Variants in PRKCQ observed in about 807,000 individuals in gnomAD.
PRKCQ encodes protein kinase C theta type.
A neutral mutation model predicts 91.2 loss-of-function variants in PRKCQ; 41 were observed. That is an observed-to-expected ratio of 0.45 (90% CI 0.35 to 0.58). The LOEUF is 0.58. PRKCQ is among the 20% of genes least tolerant of loss of function. The pLI, the probability that PRKCQ is intolerant of heterozygous loss-of-function variation, is 0.00. For synonymous variants in PRKCQ, 307 were observed against 316.9 expected (o/e 0.97, Z 0.33); for missense variants, 673 against 896.5 (o/e 0.75, Z 3.18).
intron 1 of PRKCQ, among the ~76,000 whole-genome samples, chr10:6,538,716 C>G (rs1209950949): frequency 2.0e-5 from 3 of 152,190 alleles, no homozygotes; most frequent in African/African-American, 7.2e-5. Flanking sequence ...ACTGATTTTC[C>G]TAGTTCAGAT....
Position 6,534,930 on chromosome 10 carries a change from A to G in PRKCQ, c.-9-19786T>C, listed in dbSNP as rs145253560. 8.2e-4 allele frequency among the ~76,000 whole-genome samples: 125 copies of G among 152,128 alleles called. No individual in the cohort carries two copies. In the Middle Eastern group the frequency reaches 0.014, roughly 17 times the overall value. ...GTTCTTTTTGGAATGTGCAATTCAA[A>G]TTTTAAAAAATAATTCTGTGTAACA... On this transcript the variant is annotated intron_variant, in intron 1 of 17. Coordinates refer to ENST00000263125, the MANE Select transcript of PRKCQ (RefSeq NM_006257.5).
chr10:6,539,985 T>C (rs988216350), intron 1 of PRKCQ, among the ~76,000 whole-genome samples: 2 of 152,254 alleles, frequency 1.3e-5, no homozygotes, highest in Non-Finnish European at 2.9e-5. Flanking sequence ...GGAATTCATG[T>C]AATGCCTCTG....
chr10:6,539,686 C>T (rs995063738), intron 1 of PRKCQ, among the ~76,000 whole-genome samples: 1 of 152,046 alleles, frequency 6.6e-6, no homozygotes, highest in African/African-American at 2.4e-5. Flanking sequence ...CATTCCCCAC[C>T]CCAGTCTGTG....
Position 6,511,236 on chromosome 10 carries a change from G to A in PRKCQ, c.119-42C>T, listed in dbSNP as rs763551120. 1.2e-5 allele frequency: 19 copies of A among 1,583,524 alleles called. No individual in the cohort carries two copies. In the Admixed American group the frequency reaches 3.2e-4, roughly 26 times the overall value. ...AAGGTCTCATTATTCCTTCAGCCAG[G>A]CCTGGAAAATAATTCAGTTCAACTC... is the stretch of plus-strand genomic sequence containing the variant. On this transcript the variant is annotated intron_variant, in intron 2 of 17. Transcript: ENST00000263125.
intron 15 of PRKCQ, among the ~76,000 whole-genome samples, chr10:6,454,113 A>G (rs181097991): frequency 3.0e-4 from 46 of 152,186 alleles, no homozygotes; most frequent in Non-Finnish European, 5.4e-4. Flanking sequence ...TTTAAACTAT[A>G]TATTATTGTT....
rs73607010 is a variant in PRKCQ at position 6,491,233 on chromosome 10, G to A, written c.790+450C>T. Among the ~76,000 whole-genome samples, 849 of 152,316 alleles carry A rather than the reference G, an allele frequency of 5.6e-3. 5 individuals carry two copies. The highest frequency in any genetic ancestry group is 0.02 in the African/African-American group (814 of 41,562). On this transcript the variant is annotated intron_variant, in intron 8 of 17. Transcript: ENST00000263125. ...TGTGTCAGCCAAATGAATGTGCTGG[G>A]CTTGCTCCTTGATGAGATGACAGAA... is the stretch of plus-strand genomic sequence containing the variant.
intron 9 of PRKCQ, 42 bp downstream of exon 9, chr10:6,485,993 G>C (rs1216431855): frequency 1.3e-6 from 2 of 1,532,374 alleles, no homozygotes; most frequent in Non-Finnish European, 1.8e-6. Context: ...CATCCTTGCT[G>C]AGCGGCCATG....
intron 8 of PRKCQ, among the ~76,000 whole-genome samples, chr10:6,487,083 G>A (rs1248434828): frequency 1.3e-5 from 2 of 152,166 alleles, no homozygotes; most frequent in Admixed American, 1.3e-4. Context: ...AACAGCAACC[G>A]GGTGTTTGAG....
intron 16 of PRKCQ, among the ~76,000 whole-genome samples, chr10:6,431,695 A>G (rs527605799): frequency 2.0e-5 from 3 of 152,368 alleles, no homozygotes; most frequent in African/African-American, 7.2e-5. Flanking sequence ...TCTTAGAATG[A>G]TTCCAGCATT....
intron 1 of PRKCQ, 37 bp from the exon 2 acceptor site, chr10:6,515,181 T>A (rs1277259181): frequency 1.9e-6 from 3 of 1,609,042 alleles, no homozygotes. Flanking sequence ...GTTTGGGGGC[T>A]ATAAAAGATA....
intron 12 of PRKCQ, among the ~76,000 whole-genome samples, chr10:6,470,926 CAA>C (rs5782901): frequency 1.2e-3 from 166 of 135,374 alleles, no homozygotes; most frequent in East Asian, 1.3e-3. Flanking sequence ...GAGACTGTCG[CAA>C]AAAAAAAAAA....
intron 1 of PRKCQ, among the ~76,000 whole-genome samples, chr10:6,571,050 A>G (rs1841025408): frequency 6.6e-6 from 1 of 152,054 alleles, no homozygotes; most frequent in Admixed American, 6.6e-5. Context: ...GCTGTGGAGA[A>G]GCTGCCGTGG....
At chr10:6,510,286 T>C (rs1216163463) in intron 3 of PRKCQ, among the ~76,000 whole-genome samples, 1 of 152,224 alleles carries the variant, frequency 6.6e-6, no homozygotes, top group Non-Finnish European at 1.5e-5. Flanking sequence ...TCTAAATATT[T>C]ACTACCATAA....
chr10:6,542,080 C>T (rs560779127), intron 1 of PRKCQ, among the ~76,000 whole-genome samples: 101 of 152,316 alleles, frequency 6.6e-4, no homozygotes, highest in Non-Finnish European at 1.2e-3. Context: ...ACATGGACCC[C>T]GGCTCTAACT....
At position 6,456,709 on chromosome 10, in the gene PRKCQ, T is replaced by G. The variant is rs565602721; in HGVS notation, c.1612A>C (p.Thr538Pro). Residue 538 changes from threonine (T) to proline (P), a missense_variant, in exon 15 of 18, where the codon ACC (threonine) becomes CCC (proline). Thr to Pro is a conservative substitution (Grantham distance 38, BLOSUM62 -1). Transcript: ENST00000263125. Reference protein sequence around the residue: ...ENMLGDAKTNTFCGTPDYIAP... With the variant: ...ENMLGDAKTNPFCGTPDYIAP... ...ATGTAGTCAGGTGTCCCACAGAAGGTATTCGTCTTGGCATCTCCTAACATG... is the reference window on the plus strand; with the variant it reads ...ATGTAGTCAGGTGTCCCACAGAAGGGATTCGTCTTGGCATCTCCTAACATG... 1 of 1,614,188 alleles carries G rather than the reference T, an allele frequency of 6.2e-7. No homozygotes were observed. The highest frequency in any genetic ancestry group is 1.1e-5 in the South Asian group (1 of 91,084).
intron 14 of PRKCQ, 139 bp from the exon 15 acceptor site, chr10:6,456,951 C>A (rs1041973251): frequency 1.3e-6 from 1 of 799,822 alleles, no homozygotes. Flanking sequence ...TATCCACTTG[C>A]ACACCAAGTG....
the PRKCQ span, among the ~76,000 whole-genome samples, chr10:6,394,607 G>A: frequency 1.1e-4 from 17 of 151,992 alleles, no homozygotes; most frequent in African/African-American, 3.9e-4. Context: ...TCTCAGATAC[G>A]TGTTGTAAAT....
chr10:6,462,561 C>T (rs1190312020), intron 13 of PRKCQ, among the ~76,000 whole-genome samples, 196 bp from the exon 14 acceptor site: 1 of 152,200 alleles, frequency 6.6e-6, no homozygotes, highest in Non-Finnish European at 1.5e-5. Flanking sequence ...CACCTCCAGC[C>T]TCAGTCCTAA....
At chr10:6,424,776 C>G (rs1461306035), downstream of PRKCQ, among the ~76,000 whole-genome samples, 3 of 152,234 alleles carry the variant, frequency 2.0e-5, no homozygotes. Flanking sequence ...GGTCAATGCT[C>G]TCTCTGTGGC....
Sources: allele counts gnomAD v4.1 joint callset (sites outside exome capture counted in the v4.1 genomes callset), GRCh38; gene constraint gnomAD v4.1.1; transcripts MANE v1.5; gene names NCBI Gene and HGNC (gene_info 2026-07-23, HGNC 2026-07-21).